Variants in ATP7B observed in about 807,000 individuals in gnomAD.
ATP7B encodes the protein ATPase copper transporting beta, also known as copper-transporting ATPase 2.
A neutral mutation model predicts 118.9 loss-of-function variants in ATP7B; 113 were observed. That is an observed-to-expected ratio of 0.95 (90% CI 0.82 to 1.11). ATP7B has a LOEUF of 1.11. Ranked by LOEUF, ATP7B falls within the 50% of genes most tolerant of loss-of-function variation. The pLI, the probability that ATP7B is intolerant of heterozygous loss-of-function variation, is 0.00. For synonymous variants in ATP7B, 777 were observed against 727.4 expected, an observed-to-expected ratio of 1.07 and a Z score of -1.10; for missense variants, 1,867 against 1,871.4, an observed-to-expected ratio of 1.00 and a Z score of 0.04.
chr13:51,957,827 G>A (rs1958457393), intron 8 of ATP7B: 2 of 560,898 alleles, frequency 3.6e-6, no homozygotes, highest in South Asian at 4.0e-5. Flanking sequence ...TAAAGTCCGG[G>A]AATTACATTT....
chr13:51,977,401 C>T (rs1447769751), intron 1 of ATP7B, among the ~76,000 whole-genome samples: 1 of 151,930 alleles, frequency 6.6e-6, no homozygotes, highest in Non-Finnish European at 1.5e-5. Flanking sequence ...GACACAAACA[C>T]ATACATTAGC....
chr13:51,956,724 GGC>G (rs1257639166), intron 9 of ATP7B, among the ~76,000 whole-genome samples: 1 of 152,074 alleles, frequency 6.6e-6, no homozygotes, highest in East Asian at 1.9e-4. Flanking sequence ...TATGAAGGAG[GGC>G]TGAAATAACC....
chr13:51,990,035 C>T (rs1952834584), intron 1 of ATP7B, among the ~76,000 whole-genome samples: 1 of 151,902 alleles, frequency 6.6e-6, no homozygotes, highest in African/African-American at 2.4e-5. Context: ...ATGGGAAATG[C>T]TACTTAAAAT....
chr13:52,009,593 G>C (rs578079331), intron 1 of ATP7B, among the ~76,000 whole-genome samples: 4 of 152,146 alleles, frequency 2.6e-5, no homozygotes, highest in Non-Finnish European at 5.9e-5. Context: ...AGACTCTCAC[G>C]GCACGTTAGT....
intron 1 of ATP7B, among the ~76,000 whole-genome samples, chr13:52,004,676 CTT>C (rs919304622): frequency 2.0e-4 from 31 of 152,260 alleles, no homozygotes; most frequent in Middle Eastern, 6.8e-3. Flanking sequence ...CAATTATTCT[CTT>C]TGTTTTGCTT....
chr13:52,012,085 C>T, upstream of ATP7B: 1 of 505,254 alleles, frequency 2.0e-6, no homozygotes, highest in Non-Finnish European at 3.6e-6. Context: ...GGGCTTTGGG[C>T]CGGGAACGGG....
chr13:51,958,521 G>C lies in ATP7B; in HGVS notation c.2145C>G (p.Tyr715Ter), dbSNP rs751202110. Residue 715 changes from tyrosine to a stop codon, truncating the protein, a stop_gained, in exon 8 of 21, where the codon TAC becomes TAG. Coordinates refer to ENST00000242839, the MANE Select transcript of ATP7B (RefSeq NM_000053.4). LOFTEE classifies it high-confidence loss of function. ...GTCTCAGAGATTTGTAGGCCTGAAC[G>C]TAGAAGTACCACCCACCGAGGAGCT... is the stretch of plus-strand genomic sequence containing the variant. ...FVQLLGGWYF[Y>*]VQAYKSLRHR... is the part of the protein sequence containing the mutation. 1 of 1,614,166 alleles carries C rather than the reference G, an allele frequency of 6.2e-7. No individual in the cohort carries two copies. Among genetic ancestry groups the C allele is most frequent in the South Asian group, 1.1e-5 (1 of 91,072 alleles).
At chr13:51,941,495 G>A (rs934775594) in intron 15 of ATP7B, among the ~76,000 whole-genome samples, 2 of 152,152 alleles carry the variant, frequency 1.3e-5, no homozygotes, top group Non-Finnish European at 2.9e-5. Flanking sequence ...GGCAATGTCC[G>A]TCTTTGTCTT....
In ATP7B at chr13:51,974,259, C is replaced by T; in HGVS notation, c.961G>A (p.Gly321Arg). 6.2e-7 allele frequency: 1 copy of T among 1,614,130 alleles called. No homozygotes were observed. Among genetic ancestry groups the T allele is most frequent in the Non-Finnish European group, 8.5e-7 (1 of 1,180,022 alleles). ...TCAGGAAGAGAAACTTTAAAATTCC[C>T]AGGTGGAAGTGCCTCGATAGCCCTC... ...LQRAIEALPPGNFKVSLPDGA... is the reference protein window; with the variant it reads ...LQRAIEALPPRNFKVSLPDGA... The change falls in exon 2 of 21, where the codon GGG (glycine) becomes AGG (arginine). Residue 321 changes from glycine to arginine, a missense_variant. By Grantham distance (125) the Gly-to-Arg change is moderately radical. Transcript: ENST00000242839.
chr13:51,975,201 T>C (rs369217607), intron 1 of ATP7B, 33 bp from the exon 2 acceptor site: 3 of 1,609,080 alleles, frequency 1.9e-6, no homozygotes, highest in Non-Finnish European at 1.7e-6. Flanking sequence ...TTTTTAACCT[T>C]GAAACCAAAT....
Position 51,985,260 on chromosome 13 carries a change from TTGGA to T in ATP7B, c.52-10096_52-10093del, listed in dbSNP as rs1566632136. ...AATGGAAAGCAAAAAAAAGTCGGGG[TTGGA>T]ATCCTAGTCTCTGATAAAACAGACT... On this transcript the variant is annotated intron_variant, in intron 1 of 20. Coordinates refer to ENST00000242839, the MANE Select transcript of ATP7B (RefSeq NM_000053.4). 4.6e-5 allele frequency among the ~76,000 whole-genome samples: 7 copies of T among 151,964 alleles called. No individual in the cohort carries two copies. The South Asian group carries it at 1.5e-3, about 32-fold the overall frequency.
At chr13:51,998,527 T>C (rs766714318) in intron 1 of ATP7B, among the ~76,000 whole-genome samples, 66 of 152,214 alleles carry the variant, frequency 4.3e-4, no homozygotes, top group Admixed American at 2.6e-4. Flanking sequence ...TTGTCCCCCT[T>C]ACCACAACAC....
rs1436557221 is a variant in ATP7B, at chr13:51,932,680, A to T, written c.*2076T>A. ...CACTCACAGGCAGATTTTTAGAGGAATGACAGGAACTTTATTCTAATATTG... is the reference window on the plus strand; with the variant it reads ...CACTCACAGGCAGATTTTTAGAGGATTGACAGGAACTTTATTCTAATATTG... On this transcript the variant is annotated 3_prime_UTR_variant, in exon 21 of 21. Coordinates refer to ENST00000242839, the MANE Select transcript of ATP7B (RefSeq NM_000053.4). 2.0e-5 allele frequency: 3 copies of T among 152,248 alleles called. No individual in the cohort carries two copies. Among genetic ancestry groups the T allele is most frequent in the African/African-American group, 7.2e-5 (3 of 41,470 alleles). The allele number at this position is 152,248 out of a possible 1,614,324, so 9.4% of individuals were successfully genotyped here.
chr13:51,954,801 C>A (rs186158701), intron 9 of ATP7B, among the ~76,000 whole-genome samples: 72 of 152,288 alleles, frequency 4.7e-4, no homozygotes, highest in Non-Finnish European at 2.6e-4. Context: ...AACACTCCAA[C>A]CAGCAGGTAG....
At chr13:51,989,531 T>TA (rs560044192) in intron 1 of ATP7B, among the ~76,000 whole-genome samples, 70 of 139,754 alleles carry the variant, frequency 5.0e-4, no homozygotes, top group East Asian at 4.1e-4. Flanking sequence ...GACACTTGCC[T>TA]AAAAAAAAAA....
intron 1 of ATP7B, among the ~76,000 whole-genome samples, chr13:51,988,996 G>A (rs1019806121): frequency 3.3e-5 from 5 of 152,006 alleles, no homozygotes; most frequent in Non-Finnish European, 1.5e-5. Flanking sequence ...CATGACACGT[G>A]TATATCTATG....
At chr13:51,940,626 G>A (rs1434413654) in intron 16 of ATP7B, among the ~76,000 whole-genome samples, 2 of 152,026 alleles carry the variant, frequency 1.3e-5, no homozygotes, top group Non-Finnish European at 2.9e-5. Flanking sequence ...TACAGCCTGG[G>A]TGACAAGAGG....
chr13:51,941,190 T>C lies in ATP7B; in HGVS notation c.3447A>G (p.Gly1149=). 2 of 1,614,132 alleles carry C rather than the reference T, an allele frequency of 1.2e-6. No homozygotes were observed. Among genetic ancestry groups the C allele is most frequent in the Non-Finnish European group, 1.7e-6 (2 of 1,180,020 alleles). ...AVPQTFSVLI[G]NREWLRRNGL... ...CGTTGCGCCTCAGCCACTCACGGTT[T>C]CCAATCAGCACAGAGAAGGTCTGGG... Residue 1149 remains glycine (G), a synonymous_variant, in exon 16 of 21, where the codon GGA becomes GGG. Transcript: ENST00000242839.
Position 51,975,143 on chromosome 13 carries a change from G to A in ATP7B, c.77C>T (p.Thr26Ile), listed in dbSNP as rs1360917706. 3.7e-6 allele frequency: 6 copies of A among 1,614,208 alleles called. No homozygotes were observed. The highest frequency in any genetic ancestry group is 5.1e-6 in the Non-Finnish European group (6 of 1,180,024). The change falls in exon 2 of 21, where the codon ACC becomes ATC. Residue 26 changes from threonine to isoleucine, a missense_variant. Thr to Ile is a moderately conservative substitution (Grantham distance 89, BLOSUM62 -1). Coordinates refer to ENST00000242839, the MANE Select transcript of ATP7B (RefSeq NM_000053.4). Reference protein sequence around the residue: ...RKILSKLSLPTRAWEPAMKKS... With the variant: ...RKILSKLSLPIRAWEPAMKKS... ...CTTCATTGCTGGTTCCCAGGCACGGGTAGGCAAAGAAAGCTTAGATAAGAT... is the reference window on the plus strand; with the variant it reads ...CTTCATTGCTGGTTCCCAGGCACGGATAGGCAAAGAAAGCTTAGATAAGAT...
Sources: allele counts gnomAD v4.1 joint callset (sites outside exome capture counted in the v4.1 genomes callset), GRCh38; gene constraint gnomAD v4.1.1; transcripts MANE v1.5; gene names NCBI Gene and HGNC (gene_info 2026-07-23, HGNC 2026-07-21).